EXTL3: variants seen among roughly 807,000 people sequenced by gnomAD.
EXTL3 encodes the protein exostosin-like 3.
In EXTL3, 27 loss-of-function variants were observed where a neutral mutation model predicts 69.3. The ratio of observed to expected loss-of-function variants is 0.39; its 90% confidence interval spans 0.29 to 0.54. The LOEUF (loss-of-function observed/expected upper bound fraction) is 0.54. Among genes scored for constraint, EXTL3 ranks in the 20% least tolerant of loss-of-function variants. EXTL3 has a pLI of 0.69. For synonymous variants in EXTL3, 511 were observed against 499.4 expected (o/e 1.02, Z -0.31); for missense variants, 1,003 against 1,231.8 (o/e 0.81, Z 2.78).
At chr8:28,664,281 C>G (rs1372542970) in intron 1 of EXTL3, among the ~76,000 whole-genome samples, 5 of 152,262 alleles carry the variant, frequency 3.3e-5, no homozygotes, top group Non-Finnish European at 7.3e-5. Flanking sequence ...TAGGGACCCT[C>G]TCCCTGGCTT....
intron 1 of EXTL3, among the ~76,000 whole-genome samples, chr8:28,627,456 C>T (rs1585220243): frequency 6.8e-6 from 1 of 147,576 alleles, no homozygotes; most frequent in South Asian, 2.1e-4. Flanking sequence ...GTGATTGCAT[C>T]ACTGTATTCC....
In EXTL3 at chr8:28,717,571, C is replaced by T. The variant is rs1801189035; in HGVS notation, c.1512C>T (p.Asp504=). The change falls in exon 3 of 7, where the codon GAC becomes GAT. Residue 504 remains aspartate, a synonymous_variant. Transcript: ENST00000220562. This position sits in a 1 kb window ranked among gnomAD's most constrained non-coding sequence, Gnocchi z 8.3. ...TGCTCAGAAGCCTCTCCGATAGTGA[C>T]CTCCTGGCTATGAGGCGGCAAGGCC... ...HFLLRSLSDS[D]LLAMRRQGRF... The T allele has an allele frequency of 1.2e-5, 20 of 1,614,232 alleles. No homozygotes were observed. The East Asian group carries it at 4.5e-4, about 36-fold the overall frequency.
Position 28,658,609 on chromosome 8 carries a change from C to T in EXTL3, c.-53+35799C>T, listed in dbSNP as rs1585235493. On this transcript the variant is annotated intron_variant, in intron 1 of 6. Transcript: ENST00000523149. ...TTTCCTCATGCACTCTTTTTTTGAG[C>T]TCGCTCTGTCGCCCAGGCTGGAGTG... Among the ~76,000 whole-genome samples the T allele has an allele frequency of 2.0e-5, 3 of 151,822 alleles. No individual in the cohort carries two copies. In the South Asian group the frequency reaches 6.2e-4, roughly 32 times the overall value.
chr8:28,665,872 C>T (rs1445714418), intron 1 of EXTL3, among the ~76,000 whole-genome samples: 1 of 152,142 alleles, frequency 6.6e-6, no homozygotes, highest in Admixed American at 6.5e-5. Flanking sequence ...ACTGGCAGTC[C>T]CAACTCTCCC....
At chr8:28,733,258 A>G (rs1164811063) in intron 4 of EXTL3, among the ~76,000 whole-genome samples, 1 of 151,846 alleles carries the variant, frequency 6.6e-6, no homozygotes, top group Non-Finnish European at 1.5e-5. Context: ...TTGCATTCTC[A>G]CCAGCAGTGT....
At chr8:28,710,413 A>G (rs1334903044) in intron 1 of EXTL3, 11 of 455,002 alleles carry the variant, frequency 2.4e-5, no homozygotes, top group South Asian at 1.4e-4. Flanking sequence ...AGGAGAGGAC[A>G]TGGGCAGGAA....
chr8:28,660,495 GAC>G (rs1034096209), intron 1 of EXTL3, among the ~76,000 whole-genome samples: 1 of 149,276 alleles, frequency 6.7e-6, no homozygotes, highest in African/African-American at 2.6e-5. Context: ...TGTACACACA[GAC>G]ATATATATAT....
At chr8:28,681,873 G>T (rs1807495959) in intron 1 of EXTL3, among the ~76,000 whole-genome samples, 1 of 152,148 alleles carries the variant, frequency 6.6e-6, no homozygotes, top group Admixed American at 6.5e-5. Context: ...GACCAACATG[G>T]AGAAACCCTG....
intron 1 of EXTL3, 60 bp downstream of exon 1, chr8:28,701,719 GGGA>G (rs1800801491): frequency 6.5e-6 from 1 of 153,592 alleles, no homozygotes; most frequent in Non-Finnish European, 1.5e-5. Flanking sequence ...AAGGGCTCAT[GGGA>G]GGGTGCCGGG....
At chr8:28,707,856 C>T (rs965463796) in intron 1 of EXTL3, among the ~76,000 whole-genome samples, 1 of 152,154 alleles carries the variant, frequency 6.6e-6, no homozygotes, top group African/African-American at 2.4e-5. Flanking sequence ...GGAAGGGAAG[C>T]AGATAAGGCA....
chr8:28,742,659 G>A (rs1585296352), intron 5 of EXTL3: 2 of 310,290 alleles, frequency 6.4e-6, no homozygotes, highest in Admixed American at 9.6e-5. Context: ...AGGCAGTGAG[G>A]GATCGTGTGT....
intron 4 of EXTL3, among the ~76,000 whole-genome samples, chr8:28,733,034 G>A (rs766809144): frequency 6.6e-6 from 1 of 151,978 alleles, no homozygotes; most frequent in Non-Finnish European, 1.5e-5. Context: ...GCCCAGCCCA[G>A]GTACCAGTTC....
At chr8:28,701,974 C>G (rs1800812850) in intron 1 of EXTL3, among the ~76,000 whole-genome samples, 1 of 152,004 alleles carries the variant, frequency 6.6e-6, no homozygotes. Flanking sequence ...GTTTGGGCTG[C>G]TCGGGACCCG....
chr8:28,743,334 A>G, intron 6 of EXTL3, 120 bp downstream of exon 6: 2 of 1,119,982 alleles, frequency 1.8e-6, no homozygotes, highest in Non-Finnish European at 1.4e-6. Context: ...TAGGGATGAT[A>G]CTACCTACCT....
chr8:28,673,380 T>C (rs1807329291), intron 1 of EXTL3, among the ~76,000 whole-genome samples: 1 of 152,196 alleles, frequency 6.6e-6, no homozygotes, highest in Non-Finnish European at 1.5e-5. Flanking sequence ...CCTTCCCTAA[T>C]GTGAGCAGGC....
chr8:28,658,290 G>C (rs1048063329), intron 1 of EXTL3, among the ~76,000 whole-genome samples: 17 of 152,070 alleles, frequency 1.1e-4, no homozygotes, highest in African/African-American at 4.1e-4. Context: ...TAATTGTTTT[G>C]AGTAGGAACA....
chr8:28,663,588 A>G (rs1037326841), intron 1 of EXTL3, among the ~76,000 whole-genome samples: 2 of 152,126 alleles, frequency 1.3e-5, no homozygotes, highest in Non-Finnish European at 2.9e-5. Context: ...AGTAGCTAGA[A>G]TTACAGGTGC....
intron 1 of EXTL3, among the ~76,000 whole-genome samples, chr8:28,659,706 C>T (rs974356525): frequency 6.6e-6 from 1 of 152,184 alleles, no homozygotes; most frequent in African/African-American, 2.4e-5. Flanking sequence ...CAATTTGTGC[C>T]AGTGCCTGCC....
intron 1 of EXTL3, among the ~76,000 whole-genome samples, chr8:28,643,131 C>A (rs1806770669): frequency 6.6e-6 from 1 of 152,078 alleles, no homozygotes; most frequent in South Asian, 2.1e-4. Context: ...GTAATTCCAG[C>A]TACTCAAGAG....
Sources: allele counts gnomAD v4.1 joint callset (sites outside exome capture counted in the v4.1 genomes callset), GRCh38; gene constraint gnomAD v4.1.1; non-coding constraint Gnocchi (gnomAD v3.1); transcripts MANE v1.5; gene names NCBI Gene and HGNC (gene_info 2026-07-23, HGNC 2026-07-21).